The following FOXC1 variants were observed in gnomAD, a reference collection of about 807,000 sequenced individuals.
FOXC1 encodes the protein forkhead box protein C1.
FOXC1 carries 5 observed loss-of-function variants against 8.1 expected under a neutral mutation model. That is an observed-to-expected ratio of 0.62 (90% CI 0.32 to 1.30). The LOEUF is 1.30. Ranked by LOEUF, FOXC1 falls within the 50% of genes most tolerant of loss-of-function variation. The pLI is 0.05. For missense variants in FOXC1, 942 were observed against 858.0 expected, an observed-to-expected ratio of 1.10 and a Z score of -1.22; for synonymous variants, 552 against 417.2, an observed-to-expected ratio of 1.32 and a Z score of -3.94.
chr6:1,610,604 C>T lies in FOXC1; in HGVS notation c.159C>T (p.Ala53=), dbSNP rs374448293. 9.5e-5 allele frequency: 153 copies of T among 1,609,254 alleles called. No homozygotes were observed. The highest frequency in any genetic ancestry group is 2.4e-4 in the Admixed American group (14 of 59,548). Residue 53 remains alanine (A), a synonymous_variant, in exon 1 of 1, where the codon GCC becomes GCT. Coordinates refer to ENST00000645831, the MANE Select transcript of FOXC1 (RefSeq NM_001453.3). The part of the protein sequence containing the change: ...PMSVYSHPAH[A]EQYPGGMARA... ...GCGTGTACTCGCACCCTGCGCACGC[C>T]GAGCAGTACCCGGGCGGCATGGCCC...
rs747812123 is a variant in FOXC1, at chr6:1,611,250, A to G, written c.805A>G (p.Ser269Gly). 7.0e-7 allele frequency: 1 copy of G among 1,431,074 alleles called. No homozygotes were observed. The highest frequency in any genetic ancestry group is 1.3e-5 in the South Asian group (1 of 74,912). 88.6% of individuals were successfully genotyped at this position (1,431,074 alleles called of 1,614,324 possible). A position where few individuals can be genotyped will look rare whatever the true frequency, so the allele number is the denominator to read the frequency against. Residue 269 changes from serine to glycine, a missense_variant, in exon 1 of 1, where the codon AGC becomes GGC. Physicochemically the swap from Ser to Gly is moderately conservative, Grantham distance 56. Transcript: ENST00000645831. This position sits in a 1 kb window ranked among gnomAD's most constrained non-coding sequence, Gnocchi z 7.1. Reference sequence around the variant, plus strand: ...CGACAGCAGCAGCAGCAGCCTGTCCAGCGGGAGCAGCCCCCCGGGCAGCCT... The same window carrying G: ...CGACAGCAGCAGCAGCAGCCTGTCCGGCGGGAGCAGCCCCCCGGGCAGCCT... The part of the protein sequence containing the change: ...SPDSSSSSLS[S>G]GSSPPGSLPS...
rs779102893 is a variant in FOXC1, at chr6:1,612,490, C to T, written c.*383C>T. Reference sequence around the variant, plus strand: ...CCCGTCTCCCCTCTCTTGCCTTCTTCCTTGCCTCTCACCTGTAAGATATTA... The same window carrying T: ...CCCGTCTCCCCTCTCTTGCCTTCTTTCTTGCCTCTCACCTGTAAGATATTA... On this transcript the variant is annotated 3_prime_UTR_variant, in exon 1 of 1. Transcript: ENST00000645831. The T allele has an allele frequency of 7.5e-6, 3 of 402,404 alleles. No individual in the cohort carries two copies. Among genetic ancestry groups the T allele is most frequent in the Non-Finnish European group, 4.7e-6 (1 of 212,348 alleles). The allele number at this position is 402,404 out of a possible 1,614,324, so 24.9% of individuals were successfully genotyped here. A position where few individuals can be genotyped will look rare whatever the true frequency, so the allele number is the denominator to read the frequency against.
Position 1,611,713 on chromosome 6 carries a change from C to A in FOXC1, c.1268C>A (p.Ala423Asp). The change falls in exon 1 of 1, where the codon GCC becomes GAC. Residue 423 changes from alanine to aspartate, a missense_variant. Ala to Asp is a moderately radical substitution (Grantham distance 126). Transcript: ENST00000645831. This position sits in a 1 kb window ranked among gnomAD's most constrained non-coding sequence, Gnocchi z 7.1. ...QGAPGGAGGS[A>D]VDDPLPDYSL... ...GCGCCCGGGGGCGCGGGCGGCTCGG[C>A]CGTGGACGACCCCCTGCCCGACTAC... The A allele has an allele frequency of 6.9e-7, 1 of 1,455,288 alleles. No homozygotes were observed. The allele number at this position is 1,455,288 out of a possible 1,614,324, so 90.1% of individuals were successfully genotyped here.
chr6:1,611,016 C>T lies in FOXC1; in HGVS notation c.571C>T (p.Leu191Phe), dbSNP rs1762529243. The change falls in exon 1 of 1, where the codon CTC becomes TTC. Residue 191 changes from leucine (L) to phenylalanine (F), a missense_variant. Physicochemically the swap from Leu to Phe is conservative, Grantham distance 22. This residue lies in a region of FOXC1 where 726 missense variants were observed against 599.6 expected (regional missense o/e 1.21). Transcript: ENST00000645831. The surrounding 1 kb of genome is among the most constrained non-coding windows in gnomAD (Gnocchi z 7.1). ...KDKEEKDRLH[L>F]KEPPPPGRQP... The stretch of plus-strand genomic sequence containing the variant: ...CAAGGAGGAGAAGGACAGGCTGCAC[C>T]TCAAGGAGCCGCCCCCGCCCGGCCG... The T allele has an allele frequency of 4.4e-6, 7 of 1,593,240 alleles. No individual in the cohort carries two copies. Among genetic ancestry groups the T allele is most frequent in the Non-Finnish European group, 6.0e-6 (7 of 1,170,826 alleles).
Position 1,611,664 on chromosome 6 carries a change from G to T in FOXC1, c.1219G>T (p.Glu407Ter). Reference protein sequence around the residue: ...LQAMSLYAAGERGGHLQGAPG... With the variant: ...LQAMSLYAAG ...AGCCATGAGCCTGTACGCGGCCGGC[G>T]AGCGCGGGGGCCACTTGCAGGGCGC... Residue 407 changes from glutamate (E) to a stop codon, truncating the protein, a stop_gained, in exon 1 of 1, where the codon GAG becomes TAG. Transcript: ENST00000645831. LOFTEE classifies it low-confidence loss of function (END_TRUNC). This position sits in a 1 kb window ranked among gnomAD's most constrained non-coding sequence, Gnocchi z 7.1. The T allele has an allele frequency of 7.2e-7, 1 of 1,386,138 alleles. No individual in the cohort carries two copies. 85.9% of individuals were successfully genotyped at this position (1,386,138 alleles called of 1,614,324 possible).
At position 1,612,072 on chromosome 6, in the gene FOXC1, T is replaced by G; in HGVS notation, c.1627T>G (p.Ser543Ala). 6.2e-6 allele frequency: 10 copies of G among 1,613,874 alleles called. No individual in the cohort carries two copies. The highest frequency in any genetic ancestry group is 8.5e-6 in the Non-Finnish European group (10 of 1,179,984). ...FPSSQSLYRTSGAFVYDCSKF is the reference protein window; with the variant it reads ...FPSSQSLYRTAGAFVYDCSKF ...TTCCAGCCAGTCTCTGTACCGCACG[T>G]CCGGAGCTTTCGTCTACGACTGTAG... is the stretch of plus-strand genomic sequence containing the variant. The change falls in exon 1 of 1, where the codon TCC (serine) becomes GCC (alanine). Residue 543 changes from serine (S) to alanine (A), a missense_variant. Physicochemically the swap from Ser to Ala is moderately conservative, Grantham distance 99 (BLOSUM62 1). Coordinates refer to ENST00000645831, the MANE Select transcript of FOXC1 (RefSeq NM_001453.3).
Position 1,611,972 on chromosome 6 carries a change from G to A in FOXC1, c.1527G>A (p.Glu509=). The A allele has an allele frequency of 6.2e-7, 1 of 1,610,152 alleles. No individual in the cohort carries two copies. Among genetic ancestry groups the A allele is most frequent in the Non-Finnish European group, 8.5e-7 (1 of 1,178,420 alleles). The change falls in exon 1 of 1, where the codon GAG becomes GAA. Residue 509 remains glutamate (E), a synonymous_variant. Transcript: ENST00000645831. The surrounding 1 kb of genome is among the most constrained non-coding windows in gnomAD (Gnocchi z 7.1). ...GQQQNFHSVR[E]MFESQRIGLN... is the part of the protein sequence containing the mutation. ...AGCAGAACTTCCACTCGGTGCGGGAGATGTTCGAGTCACAGAGGATCGGCT... is the reference window on the plus strand; with the variant it reads ...AGCAGAACTTCCACTCGGTGCGGGAAATGTTCGAGTCACAGAGGATCGGCT...
At position 1,610,506 on chromosome 6, in the gene FOXC1, G is replaced by A. The variant is rs932770511; in HGVS notation, c.61G>A (p.Gly21Ser). ...CCTGGGAGTGGTGCCCTACCTCGGC[G>A]GCGAGCAGAGCTACTACCGCGCGGC... ...NSLGVVPYLG[G>S]EQSYYRAAAA... The change falls in exon 1 of 1, where the codon GGC becomes AGC. Residue 21 changes from glycine to serine, a missense_variant. Gly to Ser is a moderately conservative substitution (Grantham distance 56, BLOSUM62 0). Transcript: ENST00000645831. The A allele has an allele frequency of 6.6e-7, 1 of 1,509,328 alleles. No homozygotes were observed. The highest frequency in any genetic ancestry group is 1.4e-5 in the African/African-American group (1 of 71,356). 93.5% of individuals were successfully genotyped at this position (1,509,328 alleles called of 1,614,324 possible). A position where few individuals can be genotyped will look rare whatever the true frequency, so the allele number is the denominator to read the frequency against.
rs1424007865 is a variant in FOXC1 at position 1,610,633 on chromosome 6, C to G, written c.188C>G (p.Ala63Gly). The change falls in exon 1 of 1, where the codon GCC becomes GGC. Residue 63 changes from alanine (A) to glycine (G), a missense_variant. This residue lies in a region of FOXC1 where 190 missense variants were observed against 176.8 expected (regional missense o/e 1.07). Transcript: ENST00000645831. ...AEQYPGGMAR[A>G]YGPYTPQPQP... ...CAGTACCCGGGCGGCATGGCCCGCGCCTACGGGCCCTACACGCCGCAGCCG... is the reference window on the plus strand; with the variant it reads ...CAGTACCCGGGCGGCATGGCCCGCGGCTACGGGCCCTACACGCCGCAGCCG... The G allele has an allele frequency of 6.2e-7, 1 of 1,612,470 alleles. No homozygotes were observed. The highest frequency in any genetic ancestry group is 2.2e-5 in the East Asian group (1 of 44,820).
In FOXC1 at chr6:1,610,340, C is replaced by G. The variant is rs1762511987; in HGVS notation, c.-106C>G. 1 of 569,658 alleles carries G rather than the reference C, an allele frequency of 1.8e-6. No homozygotes were observed. The highest frequency in any genetic ancestry group is 6.5e-5 in the Admixed American group (1 of 15,280). 35.3% of individuals were successfully genotyped at this position (569,658 alleles called of 1,614,324 possible). ...GACGCACAGCGCAGCGGGCCGGCAC[C>G]AGCTCGGCCGGGCCCGGACTCGGAC... On this transcript the variant is annotated 5_prime_UTR_variant, in exon 1 of 1. Coordinates refer to ENST00000645831, the MANE Select transcript of FOXC1 (RefSeq NM_001453.3).
chr6:1,612,970 A>G lies in FOXC1; in HGVS notation c.*863A>G, dbSNP rs1171595558. Reference sequence around the variant, plus strand: ...GACTAGTCCATGTCAAATTTTACTAAAAGTCTTTTTGTTTAGATTTATTTT... The same window carrying G: ...GACTAGTCCATGTCAAATTTTACTAGAAGTCTTTTTGTTTAGATTTATTTT... On this transcript the variant is annotated 3_prime_UTR_variant, in exon 1 of 1. Transcript: ENST00000645831. 9.0e-6 allele frequency: 2 copies of G among 223,410 alleles called. No individual in the cohort carries two copies. Among genetic ancestry groups the G allele is most frequent in the Non-Finnish European group, 1.9e-5 (2 of 102,938 alleles). The allele number at this position is 223,410 out of a possible 1,614,324, so 13.8% of individuals were successfully genotyped here.
At position 1,611,648 on chromosome 6, in the gene FOXC1, C is replaced by G; in HGVS notation, c.1203C>G (p.Ser401Arg). 7.3e-7 allele frequency: 1 copy of G among 1,367,534 alleles called. No homozygotes were observed. Among genetic ancestry groups the G allele is most frequent in the Non-Finnish European group, 9.4e-7 (1 of 1,069,226 alleles). The allele number at this position is 1,367,534 out of a possible 1,614,324, so 84.7% of individuals were successfully genotyped here. ...ACCACTGCAACCTGCAAGCCATGAG[C>G]CTGTACGCGGCCGGCGAGCGCGGGG... is the stretch of plus-strand genomic sequence containing the variant. ...GTYHCNLQAM[S>R]LYAAGERGGH... Residue 401 changes from serine to arginine, a missense_variant, in exon 1 of 1, where the codon AGC (serine) becomes AGG (arginine). Ser to Arg is a moderately radical substitution (Grantham distance 110, BLOSUM62 -1). Transcript: ENST00000645831. This position sits in a 1 kb window ranked among gnomAD's most constrained non-coding sequence, Gnocchi z 7.1.
rs1762584960 is a variant in FOXC1 at position 1,613,156 on chromosome 6, G to A, written c.*1049G>A. Reference sequence around the variant, plus strand: ...ATTTTAAGCCCATGAATCAGCCGCGGTCTTACCACGGTGATGCCTGTGTGC... The same window carrying A: ...ATTTTAAGCCCATGAATCAGCCGCGATCTTACCACGGTGATGCCTGTGTGC... On this transcript the variant is annotated 3_prime_UTR_variant, in exon 1 of 1. Coordinates refer to ENST00000645831, the MANE Select transcript of FOXC1 (RefSeq NM_001453.3). The A allele has an allele frequency of 2.5e-5, 6 of 241,728 alleles. No individual in the cohort carries two copies. In the East Asian group the frequency reaches 3.8e-4, roughly 15 times the overall value. 15.0% of individuals were successfully genotyped at this position (241,728 alleles called of 1,614,324 possible). A position where few individuals can be genotyped will look rare whatever the true frequency, so the allele number is the denominator to read the frequency against.
Position 1,611,897 on chromosome 6 carries a change from C to G in FOXC1, c.1452C>G (p.His484Gln), listed in dbSNP as rs749512415. 6 of 1,538,682 alleles carry G rather than the reference C, an allele frequency of 3.9e-6. No homozygotes were observed. In the East Asian group the frequency reaches 1.0e-4, roughly 26 times the overall value. The change falls in exon 1 of 1, where the codon CAC (histidine) becomes CAG (glutamine). Residue 484 changes from histidine (H) to glutamine (Q), a missense_variant. Physicochemically the swap from His to Gln is conservative, Grantham distance 24 (BLOSUM62 0). This residue lies in a region of FOXC1 where 726 missense variants were observed against 599.6 expected (regional missense o/e 1.21). Coordinates refer to ENST00000645831, the MANE Select transcript of FOXC1 (RefSeq NM_001453.3). The surrounding 1 kb of genome is among the most constrained non-coding windows in gnomAD (Gnocchi z 7.1). ...YLNQAGGDLG[H>Q]LASAAAAAAA... ...ACCAGGCGGGCGGAGACCTGGGCCA[C>G]TTGGCGAGCGCGGCGGCGGCGGCGG...
Position 1,611,876 on chromosome 6 carries a change from G to A in FOXC1, c.1431G>A (p.Gln477=). 2.6e-6 allele frequency: 4 copies of A among 1,541,162 alleles called. No individual in the cohort carries two copies. The highest frequency in any genetic ancestry group is 3.5e-6 in the Non-Finnish European group (4 of 1,142,914). The change falls in exon 1 of 1, where the codon CAG becomes CAA. Residue 477 remains glutamine (Q), a synonymous_variant. Coordinates refer to ENST00000645831, the MANE Select transcript of FOXC1 (RefSeq NM_001453.3). This position sits in a 1 kb window ranked among gnomAD's most constrained non-coding sequence, Gnocchi z 7.1. ...QGRLTSWYLN[Q]AGGDLGHLAS... is the part of the protein sequence containing the mutation. Reference sequence around the variant, plus strand: ...GCCTCACCTCGTGGTACCTGAACCAGGCGGGCGGAGACCTGGGCCACTTGG... The same window carrying A: ...GCCTCACCTCGTGGTACCTGAACCAAGCGGGCGGAGACCTGGGCCACTTGG...
chr6:1,610,974 A>G lies in FOXC1; in HGVS notation c.529A>G (p.Lys177Glu). 2.5e-6 allele frequency: 4 copies of G among 1,612,838 alleles called. No individual in the cohort carries two copies. Among genetic ancestry groups the G allele is most frequent in the Non-Finnish European group, 3.4e-6 (4 of 1,179,722 alleles). Residue 177 changes from lysine (K) to glutamate (E), a missense_variant, in exon 1 of 1, where the codon AAG (lysine) becomes GAG (glutamate). Physicochemically the swap from Lys to Glu is moderately conservative, Grantham distance 56. This residue lies in a region of FOXC1 where 726 missense variants were observed against 599.6 expected (regional missense o/e 1.21). Coordinates refer to ENST00000645831, the MANE Select transcript of FOXC1 (RefSeq NM_001453.3). The part of the protein sequence containing the change: ...FLRRRRRFKK[K>E]DAVKDKEEKD... ...GCGGCGGCGGCGGCGCTTCAAGAAGAAGGACGCGGTGAAGGACAAGGAGGA... is the reference window on the plus strand; with the variant it reads ...GCGGCGGCGGCGGCGCTTCAAGAAGGAGGACGCGGTGAAGGACAAGGAGGA...
Position 1,611,800 on chromosome 6 carries a change from GC to G in FOXC1, c.1356del (p.Gly453AlafsTer23). 2.7e-6 allele frequency: 4 copies of G among 1,466,220 alleles called. No individual in the cohort carries two copies. Among genetic ancestry groups the G allele is most frequent in the South Asian group, 2.7e-5 (2 of 75,336 alleles). 90.8% of individuals were successfully genotyped at this position (1,466,220 alleles called of 1,614,324 possible). A position where few individuals can be genotyped will look rare whatever the true frequency, so the allele number is the denominator to read the frequency against. On this transcript the variant is annotated frameshift_variant, in exon 1 of 1. Transcript: ENST00000645831. LOFTEE classifies it high-confidence loss of function. The surrounding 1 kb of genome is among the most constrained non-coding windows in gnomAD (Gnocchi z 7.1). ...CTGAGTCACGGCGGCGGCGGCGGCG[GC>G]GGCGGGGGAGGCCAGGAGGCCGGCC... is the stretch of plus-strand genomic sequence containing the variant. ...SSLSHGGGGG[G>X]GGGGQEAGHH...
rs756657100 is a variant in FOXC1 at position 1,610,629 on chromosome 6, C to G, written c.184C>G (p.Arg62Gly). The G allele has an allele frequency of 6.2e-7, 1 of 1,612,026 alleles. No homozygotes were observed. Among genetic ancestry groups the G allele is most frequent in the South Asian group, 1.1e-5 (1 of 91,020 alleles). ...CGAGCAGTACCCGGGCGGCATGGCC[C>G]GCGCCTACGGGCCCTACACGCCGCA... ...HAEQYPGGMA[R>G]AYGPYTPQPQ... The change falls in exon 1 of 1, where the codon CGC becomes GGC. Residue 62 changes from arginine (R) to glycine (G), a missense_variant. By Grantham distance (125) the Arg-to-Gly change is moderately radical. Around this residue, in one of 4 missense-constraint regions of FOXC1, gnomAD observed 190 missense variants for 176.8 expected, o/e 1.07. Transcript: ENST00000645831.
In FOXC1 at chr6:1,611,321, G is replaced by A. The variant is rs1177538115; in HGVS notation, c.876G>A (p.Pro292=). ...GCCTGGACGGTGCGGATTCCGCGCCGCCGCCGCCCGCGCCCTCCGCCCCGC... is the reference window on the plus strand; with the variant it reads ...GCCTGGACGGTGCGGATTCCGCGCCACCGCCGCCCGCGCCCTCCGCCCCGC... ...PLSLDGADSA[P]PPPAPSAPPP... is the part of the protein sequence containing the mutation. The change falls in exon 1 of 1, where the codon CCG becomes CCA. Residue 292 remains proline, a synonymous_variant. Transcript: ENST00000645831. This position sits in a 1 kb window ranked among gnomAD's most constrained non-coding sequence, Gnocchi z 7.1. 5.0e-6 allele frequency: 7 copies of A among 1,413,932 alleles called. No individual in the cohort carries two copies. Among genetic ancestry groups the A allele is most frequent in the Non-Finnish European group, 4.6e-6 (5 of 1,082,702 alleles). The allele number at this position is 1,413,932 out of a possible 1,614,324, so 87.6% of individuals were successfully genotyped here.
Sources: allele counts gnomAD v4.1 joint callset, GRCh38; gene constraint gnomAD v4.1.1; regional missense constraint gnomAD v4.1.1; non-coding constraint Gnocchi (gnomAD v3.1); transcripts MANE v1.5; gene names NCBI Gene and HGNC (gene_info 2026-07-23, HGNC 2026-07-21).